The following KIAA1217 variants were observed in gnomAD, a reference collection of about 807,000 sequenced individuals.
The protein encoded by KIAA1217 is sickle tail protein homolog.
In KIAA1217, 88 loss-of-function variants were observed where a neutral mutation model predicts 163.9. The ratio of observed to expected loss-of-function variants is 0.54; its 90% CI spans 0.45 to 0.64. KIAA1217 has a LOEUF of 0.64. KIAA1217 is among the 30% of genes least tolerant of loss of function. The pLI, the probability that KIAA1217 is intolerant of heterozygous loss-of-function variation, is 0.00. For synonymous variants in KIAA1217, 903 were observed against 923.1 expected, an observed-to-expected ratio of 0.98 and a Z score of 0.39; for missense variants, 2,372 against 2,475.0, an observed-to-expected ratio of 0.96 and a Z score of 0.88.
chr10:23,946,644 A>G (rs1296288489), intron 1 of KIAA1217, among the ~76,000 whole-genome samples: 1 of 152,138 alleles, frequency 6.6e-6, no homozygotes, highest in Non-Finnish European at 1.5e-5. Flanking sequence ...TATTATTATT[A>G]TTGTTATGCT....
At chr10:24,429,080 T>C (rs1350327369) in intron 3 of KIAA1217, among the ~76,000 whole-genome samples, 2 of 152,314 alleles carry the variant, frequency 1.3e-5, no homozygotes, top group South Asian at 2.1e-4. Context: ...AAACCAACTT[T>C]ATAGAGACCT....
rs61848111 is a variant in KIAA1217, at chr10:24,375,872, G to A, written c.355-4997G>A. 9.8e-3 allele frequency among the ~76,000 whole-genome samples: 1,485 copies of A among 152,248 alleles called. 22 individuals carry two copies. The highest frequency in any genetic ancestry group is 0.052 in the South Asian group (252 of 4,814). On this transcript the variant is annotated intron_variant, in intron 2 of 20. Coordinates refer to ENST00000376454, the MANE Select transcript of KIAA1217 (RefSeq NM_019590.5). ...CTGTTCCTGGCAATTAACATATTAC[G>A]TAAAGCTACATTTGCAGGTTCATTT...
At chr10:23,876,665 G>T (rs1840712252) in intron 1 of KIAA1217, among the ~76,000 whole-genome samples, 1 of 151,926 alleles carries the variant, frequency 6.6e-6, no homozygotes, top group Admixed American at 6.6e-5. Flanking sequence ...TGTCCATGTT[G>T]CATGCCTTTC....
intron 1 of KIAA1217, among the ~76,000 whole-genome samples, chr10:23,853,225 A>C (rs1006222223): frequency 5.3e-5 from 8 of 152,002 alleles, no homozygotes; most frequent in Admixed American, 3.3e-4. Flanking sequence ...TAGCATGAAG[A>C]GTTGTTGAAT....
intron 3 of KIAA1217, among the ~76,000 whole-genome samples, chr10:24,394,386 T>TA (rs947853740): frequency 2.0e-5 from 3 of 152,170 alleles, no homozygotes; most frequent in African/African-American, 7.2e-5. Flanking sequence ...CTAAACATGA[T>TA]AAAAATAAAT....
At chr10:23,698,158 G>T (rs1280135616) in intron 1 of KIAA1217, among the ~76,000 whole-genome samples, 1 of 152,104 alleles carries the variant, frequency 6.6e-6, no homozygotes, top group Non-Finnish European at 1.5e-5. Flanking sequence ...TTTGTTTGGG[G>T]CTTTGTATTC....
intron 2 of KIAA1217, among the ~76,000 whole-genome samples, chr10:24,258,949 G>T (rs2075449349): frequency 6.6e-6 from 1 of 152,162 alleles, no homozygotes; most frequent in African/African-American, 2.4e-5. Context: ...TCACGAGGGT[G>T]ATCACTATTT....
At chr10:24,095,586 C>T (rs1356185344) in intron 2 of KIAA1217, among the ~76,000 whole-genome samples, 2 of 152,128 alleles carry the variant, frequency 1.3e-5, no homozygotes, top group Non-Finnish European at 2.9e-5. Context: ...TCAACCTTTC[C>T]ATGATGCTGT....
chr10:24,408,926 C>T (rs1410656136), intron 3 of KIAA1217, among the ~76,000 whole-genome samples: 1 of 152,226 alleles, frequency 6.6e-6, no homozygotes, highest in South Asian at 2.1e-4. Context: ...CATCGGTGGT[C>T]CATGACAGCA....
chr10:23,747,158 T>C (rs1043715471), intron 1 of KIAA1217, among the ~76,000 whole-genome samples: 6 of 152,150 alleles, frequency 3.9e-5, no homozygotes, highest in Admixed American at 2.0e-4. Flanking sequence ...TAATCTGATT[T>C]GGCAAAGAAA....
At chr10:24,370,348 C>T (rs1385521391) in intron 2 of KIAA1217, among the ~76,000 whole-genome samples, 1 of 150,570 alleles carries the variant, frequency 6.6e-6, no homozygotes, top group Non-Finnish European at 1.5e-5. Flanking sequence ...GAAGAGGAAG[C>T]AAATTTTAAA....
intron 1 of KIAA1217, among the ~76,000 whole-genome samples, chr10:23,915,734 C>A (rs146066164): frequency 2.0e-5 from 3 of 152,174 alleles, no homozygotes; most frequent in South Asian, 2.1e-4. Context: ...TAACCTAGGG[C>A]AGAGAAAGGT....
chr10:24,524,481 C>A lies in KIAA1217; in HGVS notation c.2615C>A (p.Ala872Glu). 1 of 1,614,172 alleles carries A rather than the reference C, an allele frequency of 6.2e-7. No homozygotes were observed. Among genetic ancestry groups the A allele is most frequent in the South Asian group, 1.1e-5 (1 of 91,088 alleles). The change falls in exon 13 of 21, where the codon GCG becomes GAG. Residue 872 changes from alanine to glutamate, a missense_variant. By Grantham distance (107) the Ala-to-Glu change is moderately radical. Transcript: ENST00000376454. ...CACAGCACAGGTGCCCCTGGCGATG[C>A]GAAGTCGGAAGTGGTGCCTTTGTCC... ...PFHSTGAPGD[A>E]KSEVVPLSGM...
chr10:23,928,699 G>T (rs1843130209), intron 1 of KIAA1217, among the ~76,000 whole-genome samples: 1 of 152,120 alleles, frequency 6.6e-6, no homozygotes, highest in Admixed American at 6.5e-5. Flanking sequence ...ACCTCATGAG[G>T]TAGATACCAT....
At chr10:23,878,229 T>G (rs780536953) in intron 1 of KIAA1217, among the ~76,000 whole-genome samples, 52 of 151,928 alleles carry the variant, frequency 3.4e-4, no homozygotes, top group Non-Finnish European at 6.5e-4. Flanking sequence ...ACATTCTTTA[T>G]GGAGGCATAC....
At chr10:24,165,823 G>T (rs1366481781) in intron 2 of KIAA1217, among the ~76,000 whole-genome samples, 1 of 152,110 alleles carries the variant, frequency 6.6e-6, no homozygotes, top group Non-Finnish European at 1.5e-5. Context: ...CTCCTAACTA[G>T]AGCAGAAAAA....
intron 1 of KIAA1217, among the ~76,000 whole-genome samples, chr10:23,902,340 A>T (rs1445170153): frequency 6.6e-6 from 1 of 152,058 alleles, no homozygotes; most frequent in Non-Finnish European, 1.5e-5. Context: ...GGGCACATCG[A>T]GGGGAACAGC....
chr10:24,367,302 C>A, intron 2 of KIAA1217: 1 of 261,268 alleles, frequency 3.8e-6, no homozygotes, highest in Non-Finnish European at 6.0e-6. Context: ...CCACTAACGC[C>A]TGCACTTTTC....
At chr10:23,836,231 C>T (rs1306932758) in intron 1 of KIAA1217, among the ~76,000 whole-genome samples, 1 of 152,018 alleles carries the variant, frequency 6.6e-6, no homozygotes, top group Admixed American at 6.6e-5. Context: ...CTTTTAAAAA[C>T]CTACTTTTCT....
Sources: gnomAD v4.1 joint callset for allele counts (sites outside exome capture counted in the v4.1 genomes callset) on GRCh38, gnomAD v4.1.1 for gene constraint, MANE v1.5 for transcripts, NCBI Gene and HGNC (gene_info 2026-07-23, HGNC 2026-07-21) for gene names.